TLE4: variants seen among roughly 807,000 people sequenced by gnomAD.
TLE4 encodes transducin-like enhancer protein 4.
Under a neutral mutation model 92.8 loss-of-function variants are expected in TLE4, and 8 were observed. That is an observed-to-expected ratio of 0.09 (90% CI 0.05 to 0.16). The LOEUF is 0.16. Among genes scored for constraint, TLE4 ranks in the 10% least tolerant of loss-of-function variants. TLE4 has a pLI of 1.00. For synonymous variants in TLE4, 371 were observed against 374.1 expected (o/e 0.99, Z 0.10); for missense variants, 675 against 997.6 (o/e 0.68, Z 4.36).
intron 5 of TLE4, among the ~76,000 whole-genome samples, chr9:79,625,014 CTTTTTTTTTT>C (rs34968887): frequency 5.0e-5 from 4 of 79,938 alleles, no homozygotes; most frequent in Admixed American, 3.7e-4. Flanking sequence ...TATTTCTTTT[CTTTTTTTTTT>C]TTTTTTTTTT....
At chr9:79,660,715 C>T (rs914098306) in intron 8 of TLE4, among the ~76,000 whole-genome samples, 7 of 152,148 alleles carry the variant, frequency 4.6e-5, no homozygotes, top group South Asian at 2.1e-4. Flanking sequence ...CTGTGTGAAA[C>T]GTAACAGGTG....
At chr9:79,587,312 A>T (rs997834777) in intron 4 of TLE4, among the ~76,000 whole-genome samples, 2 of 152,216 alleles carry the variant, frequency 1.3e-5, no homozygotes, top group Non-Finnish European at 2.9e-5. Flanking sequence ...TGAGCAAAAA[A>T]GGCCTAGATA....
chr9:79,607,949 C>T (rs1391734922), intron 4 of TLE4, among the ~76,000 whole-genome samples: 4 of 151,786 alleles, frequency 2.6e-5, no homozygotes, highest in Non-Finnish European at 5.9e-5. Flanking sequence ...GCTGAAGTTG[C>T]TTATCAGCTT....
intron 8 of TLE4, among the ~76,000 whole-genome samples, chr9:79,689,442 T>C (rs2066586523): frequency 6.6e-6 from 1 of 152,194 alleles, no homozygotes; most frequent in South Asian, 2.1e-4. Context: ...ACAGTTTGCT[T>C]AATACCTGAG....
chr9:79,711,439 G>A (rs2073257705), intron 14 of TLE4, among the ~76,000 whole-genome samples: 1 of 152,192 alleles, frequency 6.6e-6, no homozygotes, highest in African/African-American at 2.4e-5. Context: ...ATCAAATAAT[G>A]ACTCAGATAC....
intron 14 of TLE4, among the ~76,000 whole-genome samples, chr9:79,711,221 T>TG (rs1409061608): frequency 3.9e-5 from 6 of 152,208 alleles, no homozygotes; most frequent in Admixed American, 3.3e-4. Context: ...GGTAAATATT[T>TG]GGCTGATTAA....
Position 79,652,697 on chromosome 9 carries a change from C to G in TLE4, c.495C>G (p.Ser165Arg). The part of the protein sequence containing the change: ...LQPPAIPPIG[S>R]SAGLLALSSA... ...CCCCTGCCATTCCACCCATCGGTAG[C>G]AGTGCCGGGCTTCTGGCCCTCTCCA... Residue 165 changes from serine to arginine, a missense_variant, in exon 7 of 20, where the codon AGC (serine) becomes AGG (arginine). Coordinates refer to ENST00000376552, the MANE Select transcript of TLE4 (RefSeq NM_007005.6). 6.2e-7 allele frequency: 1 copy of G among 1,614,202 alleles called. No homozygotes were observed. The highest frequency in any genetic ancestry group is 8.5e-7 in the Non-Finnish European group (1 of 1,180,044).
In TLE4 at chr9:79,706,789, G is replaced by A; in HGVS notation, c.826G>A (p.Glu276Lys). 2 of 1,614,094 alleles carry A rather than the reference G, an allele frequency of 1.2e-6. No individual in the cohort carries two copies. Among genetic ancestry groups the A allele is most frequent in the Non-Finnish European group, 1.7e-6 (2 of 1,180,024 alleles). Residue 276 changes from glutamate to lysine, a missense_variant, in exon 11 of 20, where the codon GAG becomes AAG. Coordinates refer to ENST00000376552, the MANE Select transcript of TLE4 (RefSeq NM_007005.6). ...AGGGAGCCCAGCACATTCCCCCAGA[G>A]AGAATGGCCTAGACAAGACACGCCT... ...PRGSPAHSPR[E>K]NGLDKTRLLK...
chr9:79,589,144 C>T (rs1019442370), intron 4 of TLE4, among the ~76,000 whole-genome samples: 3 of 152,184 alleles, frequency 2.0e-5, no homozygotes, highest in Admixed American at 1.3e-4. Flanking sequence ...AGAAACTCTG[C>T]TCCAGAGAGA....
chr9:79,627,508 C>A, intron 6 of TLE4, 60 bp downstream of exon 6: 1 of 1,535,580 alleles, frequency 6.5e-7, no homozygotes, highest in Non-Finnish European at 9.0e-7. Context: ...CTCTCGCTCT[C>A]TCTTTTTACA....
chr9:79,623,617 T>A (rs59206924), intron 5 of TLE4, among the ~76,000 whole-genome samples: 3,864 of 151,266 alleles, frequency 0.026, 70 homozygotes, highest in African/African-American at 0.05. Flanking sequence ...TTACACACCA[T>A]AAAATTCCCT....
intron 6 of TLE4, among the ~76,000 whole-genome samples, chr9:79,629,070 T>C (rs777307911): frequency 9.2e-5 from 14 of 152,080 alleles, no homozygotes; most frequent in Non-Finnish European, 1.6e-4. Context: ...ATGTGCAGAG[T>C]GATCCCTGAT....
chr9:79,680,445 A>G (rs1371529669), intron 8 of TLE4, among the ~76,000 whole-genome samples: 1 of 152,152 alleles, frequency 6.6e-6, no homozygotes, highest in Non-Finnish European at 1.5e-5. Context: ...ATTGGTGTAT[A>G]AGAATGCTTG....
chr9:79,694,245 G>T (rs940597102), intron 8 of TLE4, among the ~76,000 whole-genome samples: 6 of 152,186 alleles, frequency 3.9e-5, no homozygotes, highest in Non-Finnish European at 7.3e-5. Context: ...AAGTAGAATG[G>T]AGCTAAGATA....
At chr9:79,575,901 T>C (rs1188414525) in intron 3 of TLE4, 16 of 353,550 alleles carry the variant, frequency 4.5e-5, no homozygotes, top group Non-Finnish European at 6.1e-5. Flanking sequence ...ATGTTAAGAA[T>C]GCTGTGTTTG....
chr9:79,723,153 T>G, intron 19 of TLE4, 118 bp downstream of exon 19: 1 of 924,116 alleles, frequency 1.1e-6, no homozygotes, highest in Non-Finnish European at 1.7e-6. Flanking sequence ...TTATGCACAT[T>G]GTACAGAGAA....
At chr9:79,578,892 A>T (rs1165370553) in intron 4 of TLE4, among the ~76,000 whole-genome samples, 1 of 151,136 alleles carries the variant, frequency 6.6e-6, no homozygotes, top group Non-Finnish European at 1.5e-5. Context: ...ATAAAATATG[A>T]ATCTAAATTT....
chr9:79,719,971 A>G, intron 15 of TLE4, 75 bp from the exon 16 acceptor site: 2 of 1,522,070 alleles, frequency 1.3e-6, no homozygotes, highest in South Asian at 1.3e-5. Context: ...CAATACTTTT[A>G]TGGATTTCTG....
At chr9:79,586,702 A>T (rs2041198534) in intron 4 of TLE4, among the ~76,000 whole-genome samples, 1 of 152,198 alleles carries the variant, frequency 6.6e-6, no homozygotes, top group Non-Finnish European at 1.5e-5. Context: ...GAAATGTTTA[A>T]TCTTGGCCTT....
Sources: allele counts gnomAD v4.1 joint callset (sites outside exome capture counted in the v4.1 genomes callset), GRCh38; gene constraint gnomAD v4.1.1; transcripts MANE v1.5; gene names NCBI Gene and HGNC (gene_info 2026-07-23, HGNC 2026-07-21).